The following CAMK2B variants were observed in gnomAD, a reference collection of about 807,000 sequenced individuals.
CAMK2B encodes the protein calcium/calmodulin dependent protein kinase II beta, also known as calcium/calmodulin-dependent protein kinase type II subunit beta.
CAMK2B carries 27 observed loss-of-function variants against 93.7 expected under a neutral mutation model. The observed-to-expected ratio is 0.29, with a 90% CI of 0.21 to 0.40. The LOEUF is 0.40. Ranked by LOEUF, CAMK2B falls within the 10% of genes least tolerant of loss-of-function variation. The probability of loss-of-function intolerance (pLI) is 1.00; values close to 1 mark genes in which losing one functional copy is unlikely to be tolerated. For missense variants in CAMK2B, 568 were observed against 895.8 expected (o/e 0.63, Z 4.67); for synonymous variants, 374 against 358.8 (o/e 1.04, Z -0.48).
intron 4 of CAMK2B, among the ~76,000 whole-genome samples, chr7:44,255,409 C>T (rs1212778621): frequency 6.6e-6 from 1 of 152,196 alleles, no homozygotes; most frequent in Non-Finnish European, 1.5e-5. Flanking sequence ...GAGCCCTCTG[C>T]AGGTCTGCCC....
In CAMK2B at chr7:44,287,643, TC is replaced by T. The variant is rs141633651; in HGVS notation, c.66-3419del. Among the ~76,000 whole-genome samples the T allele has an allele frequency of 4.2e-3, 633 of 152,166 alleles. 4 individuals carry two copies. The highest frequency in any genetic ancestry group is 0.015 in the African/African-American group (607 of 41,510). ...AAAGAAGCCAGCACCATCACCATACTCCCTTGCGACTCAGTGCTTGCCCGCC... is the reference window on the plus strand; with the variant it reads ...AAAGAAGCCAGCACCATCACCATACTCCTTGCGACTCAGTGCTTGCCCGCC... On this transcript the variant is annotated intron_variant, in intron 1 of 23. Coordinates refer to ENST00000395749, the MANE Select transcript of CAMK2B (RefSeq NM_001220.5).
At chr7:44,257,755 G>T (rs1562931281) in intron 4 of CAMK2B, among the ~76,000 whole-genome samples, 1 of 152,278 alleles carries the variant, frequency 6.6e-6, no homozygotes, top group Non-Finnish European at 1.5e-5. Context: ...AGCCCCTGCA[G>T]GGACAGTCTC....
chr7:44,284,314 C>T, intron 1 of CAMK2B, 89 bp from the exon 2 acceptor site: 2 of 933,532 alleles, frequency 2.1e-6, no homozygotes, highest in Non-Finnish European at 3.3e-6. Flanking sequence ...ATAAACACTC[C>T]CCATTAAGCA....
At chr7:44,302,414 A>T (rs1173107293) in intron 1 of CAMK2B, among the ~76,000 whole-genome samples, 1 of 152,204 alleles carries the variant, frequency 6.6e-6, no homozygotes, top group Non-Finnish European at 1.5e-5. Context: ...GGCTAGCATT[A>T]CCCTAATACT....
intron 5 of CAMK2B, among the ~76,000 whole-genome samples, chr7:44,249,832 C>T (rs1584195851): frequency 6.6e-6 from 1 of 152,170 alleles, no homozygotes; most frequent in Admixed American, 6.5e-5. Flanking sequence ...ATCCTCCTTC[C>T]TCCCCAGCTG....
chr7:44,228,844 G>C lies in CAMK2B; in HGVS notation c.1420C>G (p.Pro474Ala). 1 of 1,501,012 alleles carries C rather than the reference G, an allele frequency of 6.7e-7. No homozygotes were observed. The highest frequency in any genetic ancestry group is 8.9e-7 in the Non-Finnish European group (1 of 1,123,710). The allele number at this position is 1,501,012 out of a possible 1,614,324, so 93.0% of individuals were successfully genotyped here. Residue 474 changes from proline to alanine, a missense_variant, in exon 19 of 24, where the codon CCC (proline) becomes GCC (alanine). This residue lies in a region of CAMK2B where 308 missense variants were observed against 292.1 expected (regional missense o/e 1.05). Coordinates refer to ENST00000395749, the MANE Select transcript of CAMK2B (RefSeq NM_001220.5). ...PEAEGPLSAG[P>A]PPCLSPALLG... Reference sequence around the variant, plus strand: ...AGAGCCGGAGACAGGCAGGGCGGGGGCCCCGCTGAGAGGGGGCCCTCGGCT... The same window carrying C: ...AGAGCCGGAGACAGGCAGGGCGGGGCCCCCGCTGAGAGGGGGCCCTCGGCT...
intron 2 of CAMK2B, chr7:44,268,952 G>T (rs1272803683): frequency 6.6e-6 from 1 of 152,316 alleles, no homozygotes; most frequent in Non-Finnish European, 1.5e-5. Context: ...AAGACCAGGA[G>T]TGGTGGGGGA....
chr7:44,281,003 T>C (rs1019202871), intron 2 of CAMK2B, among the ~76,000 whole-genome samples: 5 of 152,176 alleles, frequency 3.3e-5, no homozygotes, highest in African/African-American at 9.7e-5. Context: ...GGACCCCACC[T>C]TTGTGCTGGG....
chr7:44,270,494 C>T (rs1021035892), intron 2 of CAMK2B, among the ~76,000 whole-genome samples: 1 of 152,242 alleles, frequency 6.6e-6, no homozygotes, highest in African/African-American at 2.4e-5. Flanking sequence ...TGACCCAAGC[C>T]TGAGGCTGTC....
chr7:44,282,710 G>C (rs2097111973), intron 2 of CAMK2B, among the ~76,000 whole-genome samples: 1 of 152,222 alleles, frequency 6.6e-6, no homozygotes, highest in Admixed American at 6.5e-5. Context: ...AAACAACGCC[G>C]ACACATCGCT....
rs2096747940 is a variant in CAMK2B at position 44,248,034 on chromosome 7, G to T, written c.342-842C>A. On this transcript the variant is annotated intron_variant, in intron 5 of 23. Transcript: ENST00000395749. This position sits in a 1 kb window ranked among gnomAD's most constrained non-coding sequence, Gnocchi z 4.1. ...ACAGAGGGAGAGTCCATCTCAAAAA[G>T]AAAAAAATAAAAAGTGAAACCCAAG... 6.6e-6 allele frequency among the ~76,000 whole-genome samples: 1 copy of T among 151,964 alleles called. No individual in the cohort carries two copies. Among genetic ancestry groups the T allele is most frequent in the Non-Finnish European group, 1.5e-5 (1 of 67,944 alleles).
At chr7:44,228,730 G>C in intron 19 of CAMK2B, 66 bp downstream of exon 19, 1 of 1,389,766 alleles carries the variant, frequency 7.2e-7, no homozygotes, top group Non-Finnish European at 9.4e-7. Context: ...GGAAGCTGCT[G>C]AGCGCCGGCC....
At chr7:44,235,891 G>C (rs371533053) in intron 13 of CAMK2B, among the ~76,000 whole-genome samples, 79 of 152,328 alleles carry the variant, frequency 5.2e-4, no homozygotes, top group African/African-American at 1.8e-3. Context: ...TCCTGCCTGG[G>C]GATCCCGTGC....
At chr7:44,235,775 C>G (rs2128939021) in intron 13 of CAMK2B, among the ~76,000 whole-genome samples, 1 of 152,320 alleles carries the variant, frequency 6.6e-6, no homozygotes, top group East Asian at 1.9e-4. Flanking sequence ...TGTGAGGATG[C>G]TTGCCCCCGG....
intron 14 of CAMK2B, 71 bp downstream of exon 14, chr7:44,234,568 G>A: frequency 6.3e-7 from 1 of 1,593,144 alleles, no homozygotes; most frequent in Admixed American, 1.7e-5. Context: ...CAGAGCAGGA[G>A]CCCCAGGGCG....
At chr7:44,240,652 G>A (rs1175802242) in intron 12 of CAMK2B, 55 bp downstream of exon 12, 5 of 1,594,760 alleles carry the variant, frequency 3.1e-6, no homozygotes, top group Non-Finnish European at 3.4e-6. Flanking sequence ...GCGCTCTCCT[G>A]CGTGGGCCAG....
intron 13 of CAMK2B, among the ~76,000 whole-genome samples, chr7:44,238,690 C>T (rs761702742): frequency 3.0e-4 from 46 of 152,344 alleles, no homozygotes; most frequent in Non-Finnish European, 5.9e-4. Flanking sequence ...TGCCGGGTCC[C>T]CAGCCCACGT....
intron 4 of CAMK2B, among the ~76,000 whole-genome samples, chr7:44,255,388 G>A (rs1185348216): frequency 6.6e-6 from 1 of 152,200 alleles, no homozygotes; most frequent in Non-Finnish European, 1.5e-5. Flanking sequence ...GCACGGCAGG[G>A]GAGTAGGACG....
intron 1 of CAMK2B, among the ~76,000 whole-genome samples, chr7:44,285,706 T>TG (rs1217230022): frequency 6.6e-6 from 1 of 151,238 alleles, no homozygotes; most frequent in Non-Finnish European, 1.5e-5. Context: ...TCACTGTGCT[T>TG]GGGCGGCCAC....
Sources: gnomAD v4.1 joint callset for allele counts (sites outside exome capture counted in the v4.1 genomes callset) on GRCh38, gnomAD v4.1.1 for gene constraint, gnomAD v4.1.1 regional missense constraint, Gnocchi (gnomAD v3.1) non-coding constraint, MANE v1.5 for transcripts, NCBI Gene and HGNC (gene_info 2026-07-23, HGNC 2026-07-21) for gene names.